ADSL: variants seen among roughly 807,000 people sequenced by gnomAD.
The protein encoded by ADSL is adenylosuccinase.
ADSL carries 44 observed loss-of-function variants against 62.1 expected under a neutral mutation model. That is an observed-to-expected ratio of 0.71 (90% CI 0.56 to 0.91). The LOEUF (loss-of-function observed/expected upper bound fraction) is 0.91. ADSL is among the 40% of genes least tolerant of loss of function. The probability of loss-of-function intolerance (pLI) is 0.00; values close to 1 mark genes in which losing one functional copy is unlikely to be tolerated. For synonymous variants in ADSL, 198 were observed against 220.5 expected, an observed-to-expected ratio of 0.90 and a Z score of 0.90; for missense variants, 531 against 627.4, an observed-to-expected ratio of 0.85 and a Z score of 1.64.
chr22:40,381,771 A>T (rs956833737), intron 2 of ADSL, among the ~76,000 whole-genome samples: 1 of 152,164 alleles, frequency 6.6e-6, no homozygotes, highest in African/African-American at 2.4e-5. Flanking sequence ...CCTGAGCAAC[A>T]TGGCAAAACC....
In ADSL at chr22:40,383,406, G is replaced by T. The variant is rs150863873; in HGVS notation, c.90-6824G>T. On this transcript the variant is annotated intron_variant, in intron 2 of 2. Transcript: ENST00000498234. ...GGCGTGAACCTGGGAGGTGGAGCTC[G>T]CAGTGAGCCGAGATCACGCCACTGC... is the stretch of plus-strand genomic sequence containing the variant. Among the ~76,000 whole-genome samples the T allele has an allele frequency of 2.1e-3, 314 of 150,974 alleles. 6 individuals are homozygous for T. In the East Asian group the frequency reaches 0.033, roughly 16 times the overall value.
Position 40,366,970 on chromosome 22 carries a change from G to T in ADSL, c.*448G>T. ...ATAAGTGATGAAGTTTGGAACTACA[G>T]TAAATACTTAAAAAAAAAAAAAAAA... On this transcript the variant is annotated 3_prime_UTR_variant, in exon 13 of 13. Transcript: ENST00000623063. 1 of 150,382 alleles carries T rather than the reference G, an allele frequency of 6.6e-6. No homozygotes were observed. Among genetic ancestry groups the T allele is most frequent in the Non-Finnish European group, 1.4e-5 (1 of 71,144 alleles). 9.3% of individuals were successfully genotyped at this position (150,382 alleles called of 1,614,324 possible). A position where few individuals can be genotyped will look rare whatever the true frequency, so the allele number is the denominator to read the frequency against.
In ADSL at chr22:40,363,057, G is replaced by T; in HGVS notation, c.1087G>T (p.Val363Phe). 7 of 1,614,076 alleles carry T rather than the reference G, an allele frequency of 4.3e-6. No homozygotes were observed. Among genetic ancestry groups the T allele is most frequent in the Non-Finnish European group, 5.9e-6 (7 of 1,179,958 alleles). The change falls in exon 10 of 13, where the codon GTC becomes TTC. Residue 363 changes from valine to phenylalanine, a missense_variant. Around this residue, in one of 2 missense-constraint regions of ADSL, gnomAD observed 471 missense variants for 592.9 expected, o/e 0.79. Transcript: ENST00000623063. ...GCTGCAGAACATTTCTGAAGGATTGGTCGTGTACCCCAAAGTAAGAAGCCT... is the reference window on the plus strand; with the variant it reads ...GCTGCAGAACATTTCTGAAGGATTGTTCGTGTACCCCAAAGTAAGAAGCCT... ...NTLQNISEGLVVYPKVIERRI... is the reference protein window; with the variant it reads ...NTLQNISEGLFVYPKVIERRI...
chr22:40,377,529 G>T (rs1395242169), intron 2 of ADSL, among the ~76,000 whole-genome samples: 5 of 152,142 alleles, frequency 3.3e-5, no homozygotes, highest in Non-Finnish European at 7.4e-5. Context: ...ATGGCATGAG[G>T]TCATGTCATG....
At chr22:40,371,848 C>A (rs2146705620), downstream of ADSL, among the ~76,000 whole-genome samples, 1 of 152,048 alleles carries the variant, frequency 6.6e-6, no homozygotes, top group South Asian at 2.1e-4. Flanking sequence ...AGGCGCCCGC[C>A]ACCACGCCCG....
At chr22:40,348,108 G>C (rs953838209) in intron 1 of ADSL, among the ~76,000 whole-genome samples, 1 of 152,208 alleles carries the variant, frequency 6.6e-6, no homozygotes, top group Non-Finnish European at 1.5e-5. Context: ...ACCATAAATT[G>C]CATAATAACT....
downstream of ADSL, among the ~76,000 whole-genome samples, chr22:40,371,068 G>A (rs893720236): frequency 6.6e-6 from 1 of 152,220 alleles, no homozygotes; most frequent in African/African-American, 2.4e-5. Context: ...CTCTGGCACC[G>A]GGACAGCTGC....
chr22:40,356,503 C>G (rs750945615), intron 4 of ADSL, among the ~76,000 whole-genome samples: 3 of 150,472 alleles, frequency 2.0e-5, no homozygotes, highest in Admixed American at 6.6e-5. Context: ...CCGCTGCACT[C>G]CAGCCTGGGC....
chr22:40,362,805 C>G (rs2044844962), intron 9 of ADSL, among the ~76,000 whole-genome samples, 176 bp from the exon 10 acceptor site: 1 of 152,102 alleles, frequency 6.6e-6, no homozygotes, highest in Non-Finnish European at 1.5e-5. Flanking sequence ...GGCACTTGAG[C>G]AAGTGGTCTG....
chr22:40,362,396 G>A (rs542574530), intron 9 of ADSL, among the ~76,000 whole-genome samples: 2 of 152,292 alleles, frequency 1.3e-5, no homozygotes, highest in Non-Finnish European at 2.9e-5. Context: ...TTTTAGCAAG[G>A]TGTGACCCTG....
intron 3 of ADSL, 99 bp from the exon 4 acceptor site, chr22:40,354,149 G>C (rs2044459697): frequency 9.4e-7 from 1 of 1,067,626 alleles, no homozygotes; most frequent in Admixed American, 1.7e-5. Flanking sequence ...TGAGTTAGCG[G>C]TCTAATTTTA....
At chr22:40,348,014 T>G (rs1367178036) in intron 1 of ADSL, among the ~76,000 whole-genome samples, 1 of 152,178 alleles carries the variant, frequency 6.6e-6, no homozygotes, top group Non-Finnish European at 1.5e-5. Flanking sequence ...GGAATTGGAA[T>G]GTAGAGTCTG....
chr22:40,351,726 G>A (rs2146629564), intron 2 of ADSL, among the ~76,000 whole-genome samples: 1 of 151,944 alleles, frequency 6.6e-6, no homozygotes, highest in South Asian at 2.1e-4. Flanking sequence ...TTATTTTTTT[G>A]AGACGGAGTC....
At chr22:40,365,774 C>T (rs1041327300) in intron 12 of ADSL, among the ~76,000 whole-genome samples, 9 of 151,706 alleles carry the variant, frequency 5.9e-5, no homozygotes, top group East Asian at 1.9e-4. Flanking sequence ...AGGGCTGAGG[C>T]GGGAGGATAG....
At chr22:40,350,128 T>G in intron 2 of ADSL, 93 bp downstream of exon 2, 1 of 1,238,334 alleles carries the variant, frequency 8.1e-7, no homozygotes, top group East Asian at 2.3e-5. Flanking sequence ...AGTGACACTA[T>G]AGATCTTTTT....
chr22:40,361,450 C>T (rs749726466), intron 8 of ADSL, 38 bp from the exon 9 acceptor site: 3 of 1,614,100 alleles, frequency 1.9e-6, no homozygotes, highest in South Asian at 2.2e-5. Context: ...TCTGAAGTCT[C>T]TCTGCCTTTG....
downstream of ADSL, among the ~76,000 whole-genome samples, chr22:40,371,502 A>G (rs2146702099): frequency 6.6e-6 from 1 of 152,216 alleles, no homozygotes; most frequent in Admixed American, 6.5e-5. Context: ...GATTCACAAA[A>G]ACTCATTTTC....
chr22:40,366,287 C>T lies in ADSL; in HGVS notation c.1369-149C>T, dbSNP rs921185001. ...AATCATCTGTGTCTAGGCAGAAATT[C>T]CTGATAGGCAGTTGAGGAAAACAAG... is the stretch of plus-strand genomic sequence containing the variant. On this transcript the variant is annotated intron_variant, in intron 12 of 12. Coordinates refer to ENST00000623063, the MANE Select transcript of ADSL (RefSeq NM_000026.4). 4.5e-6 allele frequency: 3 copies of T among 670,936 alleles called. No homozygotes were observed. In the African/African-American group the frequency reaches 5.3e-5, roughly 12 times the overall value. 41.6% of individuals were successfully genotyped at this position (670,936 alleles called of 1,614,324 possible).
chr22:40,354,245 T>G lies in ADSL; in HGVS notation c.403-3T>G. 4 of 1,613,964 alleles carry G rather than the reference T, an allele frequency of 2.5e-6. No individual in the cohort carries two copies. Among genetic ancestry groups the G allele is most frequent in the Non-Finnish European group, 3.4e-6 (4 of 1,179,810 alleles). ...TCTTTCTATCACATGATCTTTCTTG[T>G]AGCTTGCCAGAGTGATCTCTCGGCT... On this transcript the variant is annotated splice_polypyrimidine_tract_variant and splice_region_variant and intron_variant, in intron 3 of 12. Transcript: ENST00000623063.
Sources: gnomAD v4.1 joint callset for allele counts (sites outside exome capture counted in the v4.1 genomes callset) on GRCh38, gnomAD v4.1.1 for gene constraint, gnomAD v4.1.1 regional missense constraint, MANE v1.5 for transcripts, NCBI Gene and HGNC (gene_info 2026-07-23, HGNC 2026-07-21) for gene names.